The following ETV3L variants were observed in gnomAD, a reference collection of about 807,000 sequenced individuals.
ETV3L encodes the protein ETS translocation variant 3-like protein.
A neutral mutation model predicts 27.6 loss-of-function variants in ETV3L; 30 were observed. The ratio of observed to expected loss-of-function variants is 1.09; its 90% CI spans 0.81 to 1.48. ETV3L has a LOEUF of 1.48. Among genes scored for constraint, ETV3L ranks in the 40% most tolerant of loss-of-function variants. ETV3L has a pLI of 0.00. For synonymous variants in ETV3L, 186 were observed against 188.9 expected, an observed-to-expected ratio of 0.98 and a Z score of 0.12; for missense variants, 443 against 455.6, an observed-to-expected ratio of 0.97 and a Z score of 0.25.
rs538008233 is a variant in ETV3L, at chr1:157,099,196, C to G, written c.241G>C (p.Gly81Arg). Reference protein sequence around the residue: ...KDPDEVARLWGRRKCKPQMNY... With the variant: ...KDPDEVARLWRRRKCKPQMNY... Reference sequence around the variant, plus strand: ...ATCTGTGGTTTGCATTTCCTGCGGCCCCAGAGGCGGGCCACCTCATCTGGA... The same window carrying G: ...ATCTGTGGTTTGCATTTCCTGCGGCGCCAGAGGCGGGCCACCTCATCTGGA... Residue 81 changes from glycine (G) to arginine (R), a missense_variant, in exon 2 of 5, where the codon GGC becomes CGC. By Grantham distance (125) the Gly-to-Arg change is moderately radical. Coordinates refer to ENST00000454449, the MANE Select transcript of ETV3L (RefSeq NM_001004341.2). 1.9e-6 allele frequency: 3 copies of G among 1,613,934 alleles called. No homozygotes were observed. The highest frequency in any genetic ancestry group is 2.2e-5 in the South Asian group (2 of 91,080).
intron 4 of ETV3L, among the ~76,000 whole-genome samples, chr1:157,096,722 A>G (rs1403409595): frequency 6.6e-6 from 1 of 152,176 alleles, no homozygotes; most frequent in Non-Finnish European, 1.5e-5. Flanking sequence ...GGAGTTCAAG[A>G]CCAGCCTGAC....
At position 157,093,118 on chromosome 1, in the gene ETV3L, G is replaced by C; in HGVS notation, c.617C>G (p.Ser206Cys). The C allele has an allele frequency of 1.4e-6, 2 of 1,454,898 alleles. No individual in the cohort carries two copies. Among genetic ancestry groups the C allele is most frequent in the Non-Finnish European group, 1.8e-6 (2 of 1,102,374 alleles). 90.1% of individuals were successfully genotyped at this position (1,454,898 alleles called of 1,614,324 possible). A position where few individuals can be genotyped will look rare whatever the true frequency, so the allele number is the denominator to read the frequency against. ...GSSSSVYRLG[S>C]APGPCRLGLC... Reference sequence around the variant, plus strand: ...GCCCAGCCGGCAGGGGCCTGGGGCAGAGCCAAGTCCTAGAGAAAGAAAGAG... The same window carrying C: ...GCCCAGCCGGCAGGGGCCTGGGGCACAGCCAAGTCCTAGAGAAAGAAAGAG... Residue 206 changes from serine to cysteine, a missense_variant, in exon 5 of 5, where the codon TCT becomes TGT. Ser to Cys is a moderately radical substitution (Grantham distance 112). Transcript: ENST00000454449.
chr1:157,097,834 A>G (rs755775945), intron 4 of ETV3L, 34 bp downstream of exon 4: 1 of 1,610,784 alleles, frequency 6.2e-7, no homozygotes, highest in East Asian at 2.2e-5. Context: ...TCTGGCTAAG[A>G]TCCCCCTGGG....
In ETV3L at chr1:157,097,889, C is replaced by T. The variant is rs760285259; in HGVS notation, c.586G>A (p.Gly196Arg). 5.0e-6 allele frequency: 8 copies of T among 1,613,088 alleles called. No homozygotes were observed. Among genetic ancestry groups the T allele is most frequent in the East Asian group, 2.2e-5 (1 of 44,844 alleles). Residue 196 changes from glycine (G) to arginine (R), a missense_variant, in exon 4 of 5, where the codon GGG (glycine) becomes AGG (arginine). Coordinates refer to ENST00000454449, the MANE Select transcript of ETV3L (RefSeq NM_001004341.2). Reference protein sequence around the residue: ...GPPETSGDKKGSSSSVYRLGS... With the variant: ...GPPETSGDKKRSSSSVYRLGS... ...TCACGGTAGACGCTGCTGCTGCTCC[C>T]CTTCTTATCCCCAGAGGTCTCTGGT...
At chr1:157,098,511 C>T (rs1354992527) in intron 3 of ETV3L, among the ~76,000 whole-genome samples, 195 bp downstream of exon 3, 1 of 152,176 alleles carries the variant, frequency 6.6e-6, no homozygotes, top group Non-Finnish European at 1.5e-5. Context: ...AGGAGCCACC[C>T]TTTCTCACAG....
rs769015280 is a variant in ETV3L at position 157,098,734 on chromosome 1, G to A, written c.458C>T (p.Ala153Val). Reference sequence around the variant, plus strand: ...ACTCTGCACACCCACGGGCACCAGCGCTGGCCGACACAGGGCAGGGGCCCC... The same window carrying A: ...ACTCTGCACACCCACGGGCACCAGCACTGGCCGACACAGGGCAGGGGCCCC... ...LLGAPALCRP[A>V]LVPVGVQSEL... Residue 153 changes from alanine to valine, a missense_variant, in exon 3 of 5, where the codon GCG becomes GTG. Coordinates refer to ENST00000454449, the MANE Select transcript of ETV3L (RefSeq NM_001004341.2). 95 of 1,610,128 alleles carry A rather than the reference G, an allele frequency of 5.9e-5. No individual in the cohort carries two copies. The highest frequency in any genetic ancestry group is 1.7e-4 in the Middle Eastern group (1 of 5,982).
At chr1:157,093,895 C>T (rs574748074) in intron 4 of ETV3L, among the ~76,000 whole-genome samples, 1 of 152,312 alleles carries the variant, frequency 6.6e-6, no homozygotes, top group East Asian at 1.9e-4. Flanking sequence ...GCTCTCATCC[C>T]TCCATGAACC....
intron 4 of ETV3L, among the ~76,000 whole-genome samples, chr1:157,096,783 G>A (rs372002890): frequency 2.7e-4 from 41 of 152,338 alleles, no homozygotes; most frequent in African/African-American, 9.6e-4. Context: ...AGCCAAGGTG[G>A]TGGCGCATGC....
rs746720739 is a variant in ETV3L, at chr1:157,097,871, A to T, written c.604T>A (p.Tyr202Asn). ...GDKKGSSSSVYRLGSAPGPCR... is the reference protein window; with the variant it reads ...GDKKGSSSSVNRLGSAPGPCR... The stretch of plus-strand genomic sequence containing the variant: ...CCTCCCAGCCTTGAGCACTCACGGT[A>T]GACGCTGCTGCTGCTCCCCTTCTTA... Residue 202 changes from tyrosine (Y) to asparagine (N), a missense_variant, in exon 4 of 5, where the codon TAC (tyrosine) becomes AAC (asparagine). Physicochemically the swap from Tyr to Asn is moderately radical, Grantham distance 143. Coordinates refer to ENST00000454449, the MANE Select transcript of ETV3L (RefSeq NM_001004341.2). 56 of 1,612,070 alleles carry T rather than the reference A, an allele frequency of 3.5e-5. No individual in the cohort carries two copies. Among genetic ancestry groups the T allele is most frequent in the Non-Finnish European group, 4.5e-5 (53 of 1,179,484 alleles).
At chr1:157,094,710 C>T (rs766042732) in intron 4 of ETV3L, among the ~76,000 whole-genome samples, 16 of 151,946 alleles carry the variant, frequency 1.1e-4, no homozygotes, top group Non-Finnish European at 1.9e-4. Flanking sequence ...ATCAGGAGTT[C>T]GAGACCAGCC....
chr1:157,099,677 A>T lies in ETV3L; in HGVS notation c.-154T>A, dbSNP rs1674305154. ...GAAGGGAGAGGGTCAGGAAAGAAAG[A>T]GAGAAAAGGGAAGGGACAAGAGGTT... is the stretch of plus-strand genomic sequence containing the variant. On this transcript the variant is annotated 5_prime_UTR_variant, in exon 1 of 5. Coordinates refer to ENST00000454449, the MANE Select transcript of ETV3L (RefSeq NM_001004341.2). The T allele has an allele frequency of 2.8e-6, 2 of 704,022 alleles. No individual in the cohort carries two copies. Among genetic ancestry groups the T allele is most frequent in the Non-Finnish European group, 4.8e-6 (2 of 416,962 alleles). 43.6% of individuals were successfully genotyped at this position (704,022 alleles called of 1,614,324 possible).
chr1:157,094,953 T>C (rs1206679007), intron 4 of ETV3L, among the ~76,000 whole-genome samples: 2 of 149,704 alleles, frequency 1.3e-5, no homozygotes, highest in Non-Finnish European at 3.0e-5. Flanking sequence ...AACAAATTAG[T>C]TATTACTTAA....
intron 4 of ETV3L, among the ~76,000 whole-genome samples, chr1:157,095,425 T>C (rs1439373215): frequency 6.6e-6 from 1 of 152,120 alleles, no homozygotes; most frequent in Non-Finnish European, 1.5e-5. Flanking sequence ...TATACCTGCT[T>C]AGCATCCCTT....
In ETV3L at chr1:157,099,224, C is replaced by T; in HGVS notation, c.213G>A (p.Lys71=). 3 of 1,613,850 alleles carry T rather than the reference C, an allele frequency of 1.9e-6. No homozygotes were observed. The highest frequency in any genetic ancestry group is 2.5e-6 in the Non-Finnish European group (3 of 1,179,952). ...AGAGGCGGGCCACCTCATCTGGATC[C>T]TTGATGACAAATTCCCCGTACTCTC... ...QQGEYGEFVI[K]DPDEVARLWG... is the part of the protein sequence containing the mutation. The change falls in exon 2 of 5, where the codon AAG becomes AAA. Residue 71 remains lysine, a synonymous_variant. Coordinates refer to ENST00000454449, the MANE Select transcript of ETV3L (RefSeq NM_001004341.2).
chr1:157,096,073 C>A (rs997671584), intron 4 of ETV3L, among the ~76,000 whole-genome samples: 35 of 152,094 alleles, frequency 2.3e-4, no homozygotes, highest in African/African-American at 6.3e-4. Flanking sequence ...TGTTCCAGGG[C>A]CATTGCATGC....
At position 157,092,410 on chromosome 1, in the gene ETV3L, G is replaced by T; in HGVS notation, c.*239C>A. On this transcript the variant is annotated 3_prime_UTR_variant, in exon 5 of 5. Transcript: ENST00000454449. Reference sequence around the variant, plus strand: ...CTGAAGAAAAGTTGAGATTAGGAATGTCCCCTTAGTCTGCTTAGCAATATG... The same window carrying T: ...CTGAAGAAAAGTTGAGATTAGGAATTTCCCCTTAGTCTGCTTAGCAATATG... 2.0e-6 allele frequency: 1 copy of T among 489,924 alleles called. No homozygotes were observed. The highest frequency in any genetic ancestry group is 3.6e-6 in the Non-Finnish European group (1 of 279,178). The allele number at this position is 489,924 out of a possible 1,614,324, so 30.3% of individuals were successfully genotyped here. A position where few individuals can be genotyped will look rare whatever the true frequency, so the allele number is the denominator to read the frequency against.
At chr1:157,096,727 C>A (rs1173916686) in intron 4 of ETV3L, among the ~76,000 whole-genome samples, 1 of 152,158 alleles carries the variant, frequency 6.6e-6, no homozygotes, top group Non-Finnish European at 1.5e-5. Flanking sequence ...TCAAGACCAG[C>A]CTGACCAACA....
In ETV3L at chr1:157,098,724, G is replaced by T. The variant is rs116859604; in HGVS notation, c.468C>A (p.Pro156=). 78 of 1,606,296 alleles carry T rather than the reference G, an allele frequency of 4.9e-5. No homozygotes were observed. The East Asian group carries it at 1.6e-3, about 33-fold the overall frequency. ...APALCRPALV[P]VGVQSELLHS... is the part of the protein sequence containing the mutation. The stretch of plus-strand genomic sequence containing the variant: ...CTCTTACCTCACTCTGCACACCCAC[G>T]GGCACCAGCGCTGGCCGACACAGGG... Residue 156 remains proline, a synonymous_variant, in exon 3 of 5, where the codon CCC becomes CCA. Coordinates refer to ENST00000454449, the MANE Select transcript of ETV3L (RefSeq NM_001004341.2).
intron 4 of ETV3L, 25 bp downstream of exon 4, chr1:157,097,843 G>A (rs779574963): frequency 1.2e-6 from 2 of 1,611,462 alleles, no homozygotes; most frequent in Non-Finnish European, 1.7e-6. Flanking sequence ...GATCCCCCTG[G>A]GCCCTCCCAG....
Sources: allele counts gnomAD v4.1 joint callset (sites outside exome capture counted in the v4.1 genomes callset), GRCh38; gene constraint gnomAD v4.1.1; transcripts MANE v1.5; gene names NCBI Gene and HGNC (gene_info 2026-07-23, HGNC 2026-07-21).